The following CECR2 variants were observed in gnomAD, a reference collection of about 807,000 sequenced individuals.
The protein encoded by CECR2 is CECR2 histone acetyl-lysine reader.
A neutral mutation model predicts 154.5 loss-of-function variants in CECR2; 30 were observed. The ratio of observed to expected loss-of-function variants is 0.19; its 90% CI spans 0.15 to 0.26. The LOEUF (loss-of-function observed/expected upper bound fraction) is 0.26, where lower values mean the gene tolerates loss of function less well. Ranked by LOEUF, CECR2 falls within the 10% of genes least tolerant of loss-of-function variation. The probability of loss-of-function intolerance (pLI) is 1.00; values close to 1 mark genes in which losing one functional copy is unlikely to be tolerated. For missense variants in CECR2, 1,743 were observed against 1,829.3 expected, an observed-to-expected ratio of 0.95 and a Z score of 0.86; for synonymous variants, 725 against 683.7, an observed-to-expected ratio of 1.06 and a Z score of -0.94.
rs750057040 is a variant in CECR2 at position 17,537,231 on chromosome 22, C to CTGT, written c.1238_1238+2dup. ...GAGAGAGGAAAAAAAGACTAAAGAC[C>CTGT]TGTGAGTATTTAGTAACAACAACAA... is the stretch of plus-strand genomic sequence containing the variant. On this transcript the variant is annotated inframe_insertion and splice_region_variant, in exon 10 of 19. Coordinates refer to ENST00000262608, the MANE Select transcript of CECR2 (RefSeq NM_001290047.2). 1 of 1,613,652 alleles carries CTGT rather than the reference C, an allele frequency of 6.2e-7. No homozygotes were observed. The highest frequency in any genetic ancestry group is 1.3e-5 in the African/African-American group (1 of 74,910).
chr22:17,542,414 C>T lies in CECR2; in HGVS notation c.2271C>T (p.Ser757=), dbSNP rs1208546091. The T allele has an allele frequency of 1.2e-6, 2 of 1,613,886 alleles. No homozygotes were observed. The highest frequency in any genetic ancestry group is 1.6e-4 in the Middle Eastern group (1 of 6,062). Residue 757 remains serine, a synonymous_variant, in exon 16 of 19, where the codon AGC becomes AGT. Transcript: ENST00000262608. ...DFPESSEIPP[S]HMYRSYKYLN... Reference sequence around the variant, plus strand: ...CTGAAAGCTCAGAAATTCCTCCCAGCCATATGTATCGATCGTACAAGTACC... The same window carrying T: ...CTGAAAGCTCAGAAATTCCTCCCAGTCATATGTATCGATCGTACAAGTACC...
intron 2 of CECR2, among the ~76,000 whole-genome samples, chr22:17,494,157 G>A (rs561550876): frequency 2.6e-5 from 4 of 152,250 alleles, no homozygotes; most frequent in East Asian, 1.9e-4. Flanking sequence ...GCGCAATGGC[G>A]CGATCTTGGC....
intron 1 of CECR2, among the ~76,000 whole-genome samples, chr22:17,443,580 A>G (rs2054614724): frequency 6.6e-6 from 1 of 152,168 alleles, no homozygotes; most frequent in Non-Finnish European, 1.5e-5. Context: ...ACTGCTTAAA[A>G]TTGACTCCGG....
chr22:17,541,017 C>A (rs2056515241), intron 14 of CECR2, among the ~76,000 whole-genome samples: 2 of 152,202 alleles, frequency 1.3e-5, no homozygotes, highest in South Asian at 4.1e-4. Flanking sequence ...CTCTTGGCCT[C>A]AAACAGTCCT....
intron 1 of CECR2, among the ~76,000 whole-genome samples, chr22:17,408,995 A>G (rs5747109): frequency 6.6e-6 from 1 of 152,022 alleles, no homozygotes; most frequent in Non-Finnish European, 1.5e-5. Context: ...TCTGAACTCC[A>G]TAGGGCCTTT....
intron 8 of CECR2, among the ~76,000 whole-genome samples, chr22:17,521,401 G>A (rs557760802): frequency 8.5e-5 from 13 of 152,216 alleles, no homozygotes; most frequent in East Asian, 3.9e-4. Flanking sequence ...TTAGCCAGGC[G>A]TGGTGGCGGG....
chr22:17,426,439 C>A (rs1332416006), intron 1 of CECR2, among the ~76,000 whole-genome samples: 1 of 152,174 alleles, frequency 6.6e-6, no homozygotes, highest in Non-Finnish European at 1.5e-5. Context: ...TCACTGCAAC[C>A]TCCGCCTCCC....
At chr22:17,397,865 T>C (rs1404516128) in intron 1 of CECR2, among the ~76,000 whole-genome samples, 1 of 152,164 alleles carries the variant, frequency 6.6e-6, no homozygotes, top group Admixed American at 6.5e-5. Flanking sequence ...GTGGTGTGCA[T>C]GTAGGAAAGA....
chr22:17,382,125 T>C (rs373318044), intron 1 of CECR2, among the ~76,000 whole-genome samples: 135 of 151,898 alleles, frequency 8.9e-4, no homozygotes, highest in Non-Finnish European at 1.0e-3. Context: ...CTCCTGACCT[T>C]GTGATCCGCC....
At chr22:17,361,612 AC>A (rs2062978078) in intron 1 of CECR2, among the ~76,000 whole-genome samples, 2 of 152,002 alleles carry the variant, frequency 1.3e-5, no homozygotes, top group South Asian at 4.2e-4. Flanking sequence ...GGTGGCGGGC[AC>A]CCATAATTCT....
At chr22:17,366,992 C>G (rs752711784), upstream of CECR2, among the ~76,000 whole-genome samples, 5 of 152,090 alleles carry the variant, frequency 3.3e-5, no homozygotes, top group Non-Finnish European at 7.4e-5. Flanking sequence ...AGTTGGTGTG[C>G]TGGGCCACAG....
At chr22:17,410,268 C>T (rs1163705606) in intron 1 of CECR2, among the ~76,000 whole-genome samples, 2 of 152,176 alleles carry the variant, frequency 1.3e-5, no homozygotes, top group East Asian at 3.9e-4. Context: ...CGTGAGCCAC[C>T]GCGCCCGGCC....
At chr22:17,414,251 C>G (rs905629359) in intron 1 of CECR2, among the ~76,000 whole-genome samples, 2 of 152,184 alleles carry the variant, frequency 1.3e-5, no homozygotes, top group Admixed American at 1.3e-4. Context: ...GGATTACAGG[C>G]GTGAGCCACT....
chr22:17,413,249 A>G (rs1177574522), intron 1 of CECR2, among the ~76,000 whole-genome samples: 4 of 152,182 alleles, frequency 2.6e-5, no homozygotes, highest in African/African-American at 9.7e-5. Flanking sequence ...GATGGTTCTA[A>G]CCTTGGAGAG....
At position 17,548,983 on chromosome 22, in the gene CECR2, A is replaced by C; in HGVS notation, c.3696A>C (p.Pro1232=). ...GACCCCCAGCCAGTCAGCCTCCCCC[A>C]CCAAGGTCCCTCTTCTCAGATAAGA... is the stretch of plus-strand genomic sequence containing the variant. ...PSGPPASQPP[P]PRSLFSDKNA... The change falls in exon 17 of 19, where the codon CCA becomes CCC. Residue 1232 remains proline, a synonymous_variant. Transcript: ENST00000262608. 1 of 1,613,640 alleles carries C rather than the reference A, an allele frequency of 6.2e-7. No homozygotes were observed. The highest frequency in any genetic ancestry group is 8.5e-7 in the Non-Finnish European group (1 of 1,179,818).
intron 16 of CECR2, among the ~76,000 whole-genome samples, chr22:17,546,409 C>A (rs1267515871): frequency 6.7e-6 from 1 of 148,974 alleles, no homozygotes; most frequent in Non-Finnish European, 1.5e-5. Context: ...TGGCGTGAAC[C>A]CGGGAGGCGG....
chr22:17,389,099 C>T (rs909834927), intron 1 of CECR2, among the ~76,000 whole-genome samples: 1 of 152,114 alleles, frequency 6.6e-6, no homozygotes, highest in Admixed American at 6.6e-5. Context: ...CAGGTGTGAG[C>T]CACTGCGCCC....
intron 1 of CECR2, among the ~76,000 whole-genome samples, chr22:17,416,940 T>C (rs1416873362): frequency 1.3e-5 from 2 of 152,126 alleles, no homozygotes; most frequent in South Asian, 2.1e-4. Context: ...TATTTCCATA[T>C]AGTAACTCCT....
intron 1 of CECR2, among the ~76,000 whole-genome samples, chr22:17,393,933 G>C (rs2146513227): frequency 6.7e-6 from 1 of 148,736 alleles, no homozygotes; most frequent in South Asian, 2.1e-4. Flanking sequence ...TGTTGCCCAG[G>C]CTGGAGTGCA....
Sources: allele counts gnomAD v4.1 joint callset (sites outside exome capture counted in the v4.1 genomes callset), GRCh38; gene constraint gnomAD v4.1.1; transcripts MANE v1.5; gene names NCBI Gene and HGNC (gene_info 2026-07-23, HGNC 2026-07-21).